Variants in ASTN2 observed in about 807,000 individuals in gnomAD.
ASTN2 encodes the protein astrotactin 2, also known as astrotactin-2.
In ASTN2, 54 loss-of-function variants were observed where a neutral mutation model predicts 139.8. That is an observed-to-expected ratio of 0.39 (90% confidence interval 0.31 to 0.48). The LOEUF (loss-of-function observed/expected upper bound fraction) is 0.48. Among genes scored for constraint, ASTN2 ranks in the 20% least tolerant of loss-of-function variants. The probability of loss-of-function intolerance (pLI) is 0.95; values close to 1 mark genes in which losing one functional copy is unlikely to be tolerated. For synonymous variants in ASTN2, 756 were observed against 719.5 expected, an observed-to-expected ratio of 1.05 and a Z score of -0.81; for missense variants, 1,565 against 1,725.1, an observed-to-expected ratio of 0.91 and a Z score of 1.64.
chr9:116,760,605 A>G (rs1829649875), intron 13 of ASTN2, among the ~76,000 whole-genome samples: 1 of 152,120 alleles, frequency 6.6e-6, no homozygotes, highest in East Asian at 1.9e-4. Context: ...CAAACCTGGT[A>G]GTGTGTGCAG....
chr9:116,596,058 A>G (rs1159736984), intron 19 of ASTN2, among the ~76,000 whole-genome samples: 1 of 152,206 alleles, frequency 6.6e-6, no homozygotes, highest in Non-Finnish European at 1.5e-5. Flanking sequence ...ATGGATGAAG[A>G]AAACATGGTA....
intron 7 of ASTN2, among the ~76,000 whole-genome samples, chr9:116,998,341 T>G (rs772479726): frequency 6.6e-6 from 1 of 152,084 alleles, no homozygotes; most frequent in Non-Finnish European, 1.5e-5. Context: ...CTTATTTGAG[T>G]TCAGAAAAGA....
chr9:117,282,614 G>GTTTTCAGCTCCAAGATCCCACT (rs1564124639), intron 2 of ASTN2, among the ~76,000 whole-genome samples: 2 of 149,862 alleles, frequency 1.3e-5, no homozygotes, highest in African/African-American at 5.1e-5. Context: ...TTGGCCATGT[G>GTTTTCAGCTCCAAGATCCCACT]ATGTGCTTTG....
At chr9:116,433,280 G>T (rs999688742) in intron 22 of ASTN2, among the ~76,000 whole-genome samples, 1 of 152,148 alleles carries the variant, frequency 6.6e-6, no homozygotes, top group Non-Finnish European at 1.5e-5. Flanking sequence ...ACGTATCTGT[G>T]GGTAAAAACT....
At chr9:116,763,124 A>G (rs1829716979) in intron 13 of ASTN2, among the ~76,000 whole-genome samples, 1 of 152,194 alleles carries the variant, frequency 6.6e-6, no homozygotes, top group African/African-American at 2.4e-5. Context: ...TCATGGCTTC[A>G]GTGGCTGTCC....
chr9:116,691,909 C>G (rs769992168), intron 16 of ASTN2, among the ~76,000 whole-genome samples: 5 of 152,146 alleles, frequency 3.3e-5, no homozygotes, highest in Non-Finnish European at 7.3e-5. Flanking sequence ...CCCAGTCAAA[C>G]CAGGGGAGCG....
intron 7 of ASTN2, among the ~76,000 whole-genome samples, chr9:116,985,404 G>A (rs574204196): frequency 6.6e-6 from 1 of 152,304 alleles, no homozygotes; most frequent in Non-Finnish European, 1.5e-5. Flanking sequence ...CGCTACATGG[G>A]GGCTAATTAT....
intron 1 of ASTN2, among the ~76,000 whole-genome samples, chr9:117,328,360 A>G (rs1455780690): frequency 6.6e-6 from 1 of 152,176 alleles, no homozygotes; most frequent in Non-Finnish European, 1.5e-5. Flanking sequence ...CAAGAAGAGA[A>G]AAAAAGACAG....
chr9:116,690,246 T>G (rs933879875), intron 16 of ASTN2, among the ~76,000 whole-genome samples: 3 of 152,224 alleles, frequency 2.0e-5, no homozygotes, highest in African/African-American at 2.4e-5. Context: ...GTGCTTATTA[T>G]GTGCATTATC....
intron 19 of ASTN2, chr9:116,582,076 C>T (rs767082025): frequency 9.9e-5 from 15 of 152,116 alleles, no homozygotes; most frequent in Non-Finnish European, 1.3e-4. Flanking sequence ...AGTCATAAGC[C>T]GAGTTTAATT....
chr9:116,641,651 AT>A (rs989602702), intron 17 of ASTN2, among the ~76,000 whole-genome samples: 9 of 152,142 alleles, frequency 5.9e-5, no homozygotes, highest in Non-Finnish European at 1.3e-4. Flanking sequence ...TGGAAAAAAA[AT>A]ATTCTCTGAC....
intron 19 of ASTN2, among the ~76,000 whole-genome samples, chr9:116,539,726 G>C (rs979452330): frequency 6.6e-6 from 1 of 152,188 alleles, no homozygotes; most frequent in African/African-American, 2.4e-5. Flanking sequence ...TTCACACCCT[G>C]GGTGGGATGG....
At chr9:116,540,436 T>G (rs1851828987) in intron 19 of ASTN2, 1 of 152,206 alleles carries the variant, frequency 6.6e-6, no homozygotes, top group South Asian at 2.1e-4. Flanking sequence ...TCTCTGAATC[T>G]CAGATCCCCA....
chr9:117,339,348 C>T (rs1828989730), intron 1 of ASTN2, among the ~76,000 whole-genome samples: 1 of 152,120 alleles, frequency 6.6e-6, no homozygotes, highest in Non-Finnish European at 1.5e-5. Flanking sequence ...GAAGGGTACA[C>T]ATGATCTGTG....
chr9:116,449,337 T>C (rs1415260288), intron 20 of ASTN2, among the ~76,000 whole-genome samples: 1 of 152,006 alleles, frequency 6.6e-6, no homozygotes, highest in Non-Finnish European at 1.5e-5. Flanking sequence ...GCCTGGGAGA[T>C]CAAGGCTACA....
intron 2 of ASTN2, among the ~76,000 whole-genome samples, chr9:117,249,061 TATTTAA>T (rs1372746575): frequency 6.6e-6 from 1 of 152,140 alleles, no homozygotes; most frequent in East Asian, 1.9e-4. Context: ...TTTCAGTGAG[TATTTAA>T]AACACCTGTT....
At chr9:116,637,234 T>C (rs940604978) in intron 17 of ASTN2, among the ~76,000 whole-genome samples, 1 of 152,196 alleles carries the variant, frequency 6.6e-6, no homozygotes, top group South Asian at 2.1e-4. Flanking sequence ...GGGAATGATT[T>C]CCAGGAGAGA....
intron 6 of ASTN2, among the ~76,000 whole-genome samples, chr9:117,018,657 G>C (rs10817976): frequency 6.6e-6 from 1 of 151,984 alleles, no homozygotes; most frequent in Non-Finnish European, 1.5e-5. Flanking sequence ...TGCCTTGACA[G>C]TTCATCATTT....
intron 1 of ASTN2, among the ~76,000 whole-genome samples, chr9:117,398,298 T>C (rs1311543239): frequency 6.6e-6 from 1 of 152,200 alleles, no homozygotes; most frequent in East Asian, 1.9e-4. Context: ...ATTAACCATC[T>C]CCTTTCCAAT....
Sources: allele counts gnomAD v4.1 joint callset (sites outside exome capture counted in the v4.1 genomes callset), GRCh38; gene constraint gnomAD v4.1.1; transcripts MANE v1.5; gene names NCBI Gene and HGNC (gene_info 2026-07-23, HGNC 2026-07-21).